The following SVEP1 variants were observed in gnomAD, a reference collection of about 807,000 sequenced individuals.
SVEP1 encodes sushi, von Willebrand factor type A, EGF and pentraxin domain-containing protein 1.
In SVEP1, 164 loss-of-function variants were observed where a neutral mutation model predicts 367.3. The observed-to-expected ratio is 0.45, with a 90% CI of 0.39 to 0.51. SVEP1 has a LOEUF of 0.51. Among genes scored for constraint, SVEP1 ranks in the 20% least tolerant of loss-of-function variants. SVEP1 has a pLI of 0.00. For synonymous variants in SVEP1, 1,666 were observed against 1,611.6 expected (o/e 1.03, Z -0.81); for missense variants, 4,117 against 4,425.3 (o/e 0.93, Z 1.98).
chr9:110,476,806 C>T (rs1169814847), intron 13 of SVEP1, among the ~76,000 whole-genome samples: 1 of 152,136 alleles, frequency 6.6e-6, no homozygotes, highest in Non-Finnish European at 1.5e-5. Flanking sequence ...ACTAGAAATT[C>T]CAGAATTCTG....
Position 110,496,693 on chromosome 9 carries a change from G to A in SVEP1, c.1800+122C>T, listed in dbSNP as rs1588081190. The A allele has an allele frequency of 7.9e-6, 5 of 631,788 alleles. No homozygotes were observed. The East Asian group carries it at 1.5e-4, about 18-fold the overall frequency. 39.1% of individuals were successfully genotyped at this position (631,788 alleles called of 1,614,324 possible). Reference sequence around the variant, plus strand: ...TATATACATCTATCCTATTAGTTCTGTCCCTCTAGAGAACCCTAATACAAG... The same window carrying A: ...TATATACATCTATCCTATTAGTTCTATCCCTCTAGAGAACCCTAATACAAG... On this transcript the variant is annotated intron_variant, in intron 8 of 47. Transcript: ENST00000374469.
At chr9:110,409,714 C>T (rs1183608737) in intron 37 of SVEP1, among the ~76,000 whole-genome samples, 2 of 152,028 alleles carry the variant, frequency 1.3e-5, no homozygotes, top group African/African-American at 2.4e-5. Flanking sequence ...AGAATACTAT[C>T]AAAATTTTGT....
chr9:110,422,789 C>T (rs1204862494), intron 36 of SVEP1, among the ~76,000 whole-genome samples: 1 of 102,908 alleles, frequency 9.7e-6, no homozygotes, highest in Non-Finnish European at 2.0e-5. Context: ...ACTATGCAGC[C>T]ATAAAAAATG....
At chr9:110,469,218 G>T in intron 16 of SVEP1, 117 bp from the exon 17 acceptor site, 1 of 1,075,556 alleles carries the variant, frequency 9.3e-7, no homozygotes, top group Non-Finnish European at 1.3e-6. Flanking sequence ...TTGTTTATGG[G>T]TTAAATTTTA....
At chr9:110,446,814 A>G in intron 25 of SVEP1, 86 bp downstream of exon 25, 2 of 1,258,152 alleles carry the variant, frequency 1.6e-6, no homozygotes, top group South Asian at 2.3e-5. Context: ...GCCTACGGAC[A>G]CTGCTTGGTG....
chr9:110,457,208 G>A (rs1828788719), intron 21 of SVEP1, 48 bp downstream of exon 21: 1 of 1,429,420 alleles, frequency 7.0e-7, no homozygotes, highest in Non-Finnish European at 9.6e-7. Context: ...AAGTCATAAT[G>A]ATTTCATATA....
intron 40 of SVEP1, among the ~76,000 whole-genome samples, chr9:110,400,062 G>T (rs1827832994): frequency 6.6e-6 from 1 of 152,202 alleles, no homozygotes; most frequent in Admixed American, 6.5e-5. Context: ...TCTCAGGAAT[G>T]AAGTTGGTAT....
At chr9:110,479,061 G>A (rs1174070515) in intron 13 of SVEP1, among the ~76,000 whole-genome samples, 1 of 151,954 alleles carries the variant, frequency 6.6e-6, no homozygotes, top group African/African-American at 2.4e-5. Context: ...GGGATTACAG[G>A]CACACATCAC....
chr9:110,571,524 A>G (rs559584118), intron 1 of SVEP1, among the ~76,000 whole-genome samples: 1 of 152,336 alleles, frequency 6.6e-6, no homozygotes, highest in African/African-American at 2.4e-5. Flanking sequence ...AGCTGAAAAG[A>G]GGGAACTAGA....
chr9:110,407,389 A>T lies in SVEP1; in HGVS notation c.8211T>A (p.Ser2737Arg), dbSNP rs745512098. ...FLRFTETSMGSAVQYSCKPGH... is the reference protein window; with the variant it reads ...FLRFTETSMGRAVQYSCKPGH... ...CAGGTTTACAGCTATACTGCACAGC[A>T]CTTCCCATGCTAGTCTCTGTAAAAC... is the stretch of plus-strand genomic sequence containing the variant. Residue 2737 changes from serine (S) to arginine (R), a missense_variant, in exon 38 of 48, where the codon AGT becomes AGA. By Grantham distance (110) the Ser-to-Arg change is moderately radical. Transcript: ENST00000374469. 1.2e-6 allele frequency: 2 copies of T among 1,613,910 alleles called. No homozygotes were observed. The highest frequency in any genetic ancestry group is 2.7e-5 in the African/African-American group (2 of 74,932).
At chr9:110,563,738 T>C (rs1564177515) in intron 1 of SVEP1, among the ~76,000 whole-genome samples, 1 of 152,204 alleles carries the variant, frequency 6.6e-6, no homozygotes, top group Non-Finnish European at 1.5e-5. Context: ...GAAGCCATGG[T>C]GGCTACTTCC....
intron 27 of SVEP1, chr9:110,443,145 A>T: frequency 6.4e-6 from 1 of 157,334 alleles, no homozygotes; most frequent in Non-Finnish European, 1.4e-5. Context: ...TTTTTAGAAG[A>T]CAAGCCAAGA....
Position 110,386,049 on chromosome 9 carries a change from CACAAAAGG to C in SVEP1, c.10078_10085del (p.Pro3360AspfsTer9). 6.2e-7 allele frequency: 1 copy of C among 1,613,266 alleles called. No individual in the cohort carries two copies. Among genetic ancestry groups the C allele is most frequent in the Non-Finnish European group, 8.5e-7 (1 of 1,179,570 alleles). On this transcript the variant is annotated frameshift_variant, in exon 43 of 48. Transcript: ENST00000374469. LOFTEE classifies it high-confidence loss of function. ...CAGACAGCAGAGCATTCTCGGGAAT[CACAAAAGG>C]AACAGGGCATGGATTTGCTGTCAAA...
Position 110,429,198 on chromosome 9 carries a change from A to G in SVEP1, c.5752T>C (p.Leu1918=), listed in dbSNP as rs1232935406. ...PENINNGKYI[L]SGLTYLSTAS... is the part of the protein sequence containing the mutation. The stretch of plus-strand genomic sequence containing the variant: ...GTAGAAAGGTAGGTAAGCCCACTCA[A>G]AATATATTTTCCATTATTTATATTT... The change falls in exon 35 of 48, where the codon TTG becomes CTG. Residue 1918 remains leucine, a synonymous_variant. Transcript: ENST00000374469. 1 of 1,599,176 alleles carries G rather than the reference A, an allele frequency of 6.3e-7. No homozygotes were observed. Among genetic ancestry groups the G allele is most frequent in the Non-Finnish European group, 8.5e-7 (1 of 1,172,294 alleles).
intron 2 of SVEP1, among the ~76,000 whole-genome samples, chr9:110,548,871 C>G (rs1298854339): frequency 6.6e-6 from 1 of 152,170 alleles, no homozygotes; most frequent in Non-Finnish European, 1.5e-5. Context: ...GTCTGTAATT[C>G]TAGCACTTTG....
chr9:110,523,869 T>C (rs1829908115), intron 3 of SVEP1, among the ~76,000 whole-genome samples: 1 of 150,804 alleles, frequency 6.6e-6, no homozygotes, highest in Non-Finnish European at 1.5e-5. Context: ...ATCAATAAAA[T>C]TAAAAACAGA....
At position 110,513,006 on chromosome 9, in the gene SVEP1, G is replaced by C; in HGVS notation, c.1223C>G (p.Pro408Arg). The C allele has an allele frequency of 1.9e-6, 3 of 1,614,002 alleles. No homozygotes were observed. Among genetic ancestry groups the C allele is most frequent in the Non-Finnish European group, 2.5e-6 (3 of 1,179,878 alleles). The change falls in exon 5 of 48, where the codon CCT becomes CGT. Residue 408 changes from proline to arginine, a missense_variant. By Grantham distance (103) the Pro-to-Arg change is moderately radical. Around this residue, in one of 4 missense-constraint regions of SVEP1, gnomAD observed 2,174 missense variants for 2,494.3 expected, o/e 0.87. Coordinates refer to ENST00000374469, the MANE Select transcript of SVEP1 (RefSeq NM_153366.4). ...GCTGCTTCCCACAAGATCAAATCCA[G>C]GGTGACATCGGACCCCACAGGCTGC... The part of the protein sequence containing the change: ...FNAACGVRCH[P>R]GFDLVGSSII...
Position 110,439,592 on chromosome 9 carries a change from G to T in SVEP1, c.4640-3088C>A, listed in dbSNP as rs537094241. On this transcript the variant is annotated intron_variant, in intron 27 of 47. Transcript: ENST00000374469. ...TTTTTGTATTTTTAGTAGAGACGGG[G>T]TTTCACCATGTTGGCCAAGCTGGTC... is the stretch of plus-strand genomic sequence containing the variant. 1.1e-4 allele frequency among the ~76,000 whole-genome samples: 17 copies of T among 151,958 alleles called. No homozygotes were observed. The East Asian group carries it at 2.9e-3, about 26-fold the overall frequency.
At chr9:110,493,056 G>A (rs1829393309) in intron 8 of SVEP1, among the ~76,000 whole-genome samples, 1 of 152,018 alleles carries the variant, frequency 6.6e-6, no homozygotes, top group Non-Finnish European at 1.5e-5. Flanking sequence ...GACATAGGCT[G>A]AAAGGGGAGA....
Sources: gnomAD v4.1 joint callset for allele counts (sites outside exome capture counted in the v4.1 genomes callset) on GRCh38, gnomAD v4.1.1 for gene constraint, gnomAD v4.1.1 regional missense constraint, MANE v1.5 for transcripts, NCBI Gene and HGNC (gene_info 2026-07-23, HGNC 2026-07-21) for gene names.